Variants in MED13L observed in about 807,000 individuals in gnomAD.
MED13L encodes the protein mediator complex subunit 13L.
In MED13L, 7 loss-of-function variants were observed where a neutral mutation model predicts 220.9. The observed-to-expected ratio is 0.03, with a 90% CI of 0.02 to 0.06. The LOEUF is 0.06. Ranked by LOEUF, MED13L falls within the 10% of genes least tolerant of loss-of-function variation. The pLI is 1.00. For missense variants in MED13L, 1,965 were observed against 2,760.5 expected (o/e 0.71, Z 6.46); for synonymous variants, 1,011 against 1,015.2 (o/e 1.00, Z 0.08).
At chr12:116,008,251 T>A in intron 10 of MED13L, 150 bp downstream of exon 10, 1 of 1,122,150 alleles carries the variant, frequency 8.9e-7, no homozygotes. Context: ...GGACAAAGCA[T>A]TTGACCATTA....
chr12:116,093,741 A>T (rs879705513), intron 4 of MED13L, among the ~76,000 whole-genome samples: 19 of 152,066 alleles, frequency 1.2e-4, no homozygotes, highest in Non-Finnish European at 2.5e-4. Context: ...CACTATACTT[A>T]GAAATAAGAG....
chr12:116,024,071 T>C (rs1252526989), intron 4 of MED13L, among the ~76,000 whole-genome samples: 1 of 152,204 alleles, frequency 6.6e-6, no homozygotes, highest in Non-Finnish European at 1.5e-5. Context: ...TCCCTATTCA[T>C]GCCCAGTATC....
chr12:115,988,896 AG>A (rs1877877890), intron 17 of MED13L, among the ~76,000 whole-genome samples: 1 of 152,208 alleles, frequency 6.6e-6, no homozygotes, highest in African/African-American at 2.4e-5. Flanking sequence ...TTTAGGGGAA[AG>A]GCTGCATTTT....
At chr12:116,239,238 C>A (rs114183709) in intron 1 of MED13L, among the ~76,000 whole-genome samples, 6 of 152,166 alleles carry the variant, frequency 3.9e-5, no homozygotes, top group African/African-American at 1.2e-4. Flanking sequence ...CGCTGAGATA[C>A]GCAAATCTAA....
At chr12:116,184,322 T>C (rs534637618) in intron 2 of MED13L, among the ~76,000 whole-genome samples, 4 of 152,308 alleles carry the variant, frequency 2.6e-5, no homozygotes, top group African/African-American at 9.6e-5. Context: ...TTACACAACA[T>C]ATATAGTATC....
At chr12:116,017,550 G>T (rs894213997) in intron 7 of MED13L, among the ~76,000 whole-genome samples, 1 of 152,140 alleles carries the variant, frequency 6.6e-6, no homozygotes, top group Non-Finnish European at 1.5e-5. Flanking sequence ...TAATATAGTT[G>T]ATTGATGATA....
intron 16 of MED13L, among the ~76,000 whole-genome samples, chr12:115,993,865 A>G (rs1380730772): frequency 1.3e-5 from 2 of 152,324 alleles, no homozygotes; most frequent in Non-Finnish European, 2.9e-5. Flanking sequence ...AGTGAAAAAG[A>G]GAAACAAAAG....
intron 11 of MED13L, 107 bp downstream of exon 11, chr12:116,007,304 A>G: frequency 1.0e-6 from 1 of 989,066 alleles, no homozygotes; most frequent in Non-Finnish European, 1.6e-6. Context: ...CAGAGCAATC[A>G]GGCAAGACTA....
rs1052706998 is a variant in MED13L, at chr12:115,980,373, G to A, written c.5364+377C>T. The A allele has an allele frequency of 8.1e-5, 18 of 221,374 alleles. No individual in the cohort carries two copies. In the East Asian group the frequency reaches 8.4e-4, roughly 10 times the overall value. The allele number at this position is 221,374 out of a possible 1,614,324, so 13.7% of individuals were successfully genotyped here. ...TGAGACAGGGTCTTGCTCTCCAGGCGGAAGTGGTTATGTGATCACAGCTCA... is the reference window on the plus strand; with the variant it reads ...TGAGACAGGGTCTTGCTCTCCAGGCAGAAGTGGTTATGTGATCACAGCTCA... On this transcript the variant is annotated intron_variant, in intron 23 of 30. Transcript: ENST00000281928.
intron 4 of MED13L, among the ~76,000 whole-genome samples, chr12:116,072,252 A>G (rs1870434334): frequency 6.6e-6 from 1 of 152,206 alleles, no homozygotes; most frequent in East Asian, 1.9e-4. Context: ...AGATTGTCAT[A>G]AGCATTTACT....
intron 4 of MED13L, among the ~76,000 whole-genome samples, chr12:116,086,202 G>A (rs1201895869): frequency 6.6e-6 from 1 of 151,762 alleles, no homozygotes; most frequent in Non-Finnish European, 1.5e-5. Context: ...AACAAAAACA[G>A]ACCTAACATT....
At chr12:116,247,083 C>T (rs1871164446) in intron 1 of MED13L, among the ~76,000 whole-genome samples, 1 of 151,892 alleles carries the variant, frequency 6.6e-6, no homozygotes, top group Non-Finnish European at 1.5e-5. Context: ...TATTTAGAAA[C>T]ATTTAAGTAA....
At chr12:115,998,109 G>A (rs1232484300) in intron 14 of MED13L, among the ~76,000 whole-genome samples, 4 of 152,012 alleles carry the variant, frequency 2.6e-5, no homozygotes, top group Non-Finnish European at 2.9e-5. Context: ...TTAGAACAGC[G>A]GTTCTGAACT....
chr12:116,107,854 G>A (rs950463622), intron 3 of MED13L, among the ~76,000 whole-genome samples: 2 of 152,182 alleles, frequency 1.3e-5, no homozygotes, highest in African/African-American at 2.4e-5. Flanking sequence ...CTCTTTGGGA[G>A]GCCAAGGCGG....
chr12:115,996,377 C>T (rs1878404816), intron 16 of MED13L, 99 bp downstream of exon 16: 1 of 1,376,900 alleles, frequency 7.3e-7, no homozygotes, highest in African/African-American at 1.4e-5. Flanking sequence ...CAGGCATGAG[C>T]CACCGCGCCC....
chr12:115,995,229 GGTTCCTT>G (rs1878323328), intron 16 of MED13L, among the ~76,000 whole-genome samples: 1 of 152,032 alleles, frequency 6.6e-6, no homozygotes. Flanking sequence ...TTGTTTTATT[GGTTCCTT>G]AAGCTCAGCA....
At chr12:116,087,864 A>T (rs534732779) in intron 4 of MED13L, among the ~76,000 whole-genome samples, 2 of 152,216 alleles carry the variant, frequency 1.3e-5, no homozygotes, top group Non-Finnish European at 2.9e-5. Flanking sequence ...ATGTCTATAC[A>T]TTTTTTAAAA....
chr12:116,106,403 A>G (rs879856027), intron 3 of MED13L, among the ~76,000 whole-genome samples: 6 of 152,202 alleles, frequency 3.9e-5, no homozygotes, highest in Non-Finnish European at 7.3e-5. Flanking sequence ...AAATGATCCC[A>G]AAGAACAGAG....
intron 2 of MED13L, chr12:116,230,467 TA>T (rs1399982840): frequency 1.0e-6 from 1 of 983,944 alleles, no homozygotes; most frequent in African/African-American, 1.7e-5. Flanking sequence ...TCTAAAATAC[TA>T]CAAATCTACA....
Sources: allele counts gnomAD v4.1 joint callset (sites outside exome capture counted in the v4.1 genomes callset), GRCh38; gene constraint gnomAD v4.1.1; transcripts MANE v1.5; gene names NCBI Gene and HGNC (gene_info 2026-07-23, HGNC 2026-07-21).